TRPC7: variants seen among roughly 807,000 people sequenced by gnomAD.
The protein encoded by TRPC7 is transient receptor potential cation channel subfamily C member 7.
In TRPC7, 42 loss-of-function variants were observed where a neutral mutation model predicts 90.1. The ratio of observed to expected loss-of-function variants is 0.47; its 90% CI spans 0.36 to 0.60. TRPC7 has a LOEUF of 0.60. Ranked by LOEUF, TRPC7 falls within the 20% of genes least tolerant of loss-of-function variation. The pLI is 0.00. For synonymous variants in TRPC7, 451 were observed against 436.3 expected (o/e 1.03, Z -0.42); for missense variants, 955 against 1,112.3 (o/e 0.86, Z 2.01).
intron 3 of TRPC7, among the ~76,000 whole-genome samples, chr5:136,279,713 G>A (rs535274264): frequency 6.6e-6 from 1 of 152,270 alleles, no homozygotes; most frequent in Non-Finnish European, 1.5e-5. Flanking sequence ...TCAAAGAAGT[G>A]GAAGCTATTT....
intron 10 of TRPC7, among the ~76,000 whole-genome samples, chr5:136,221,161 C>T (rs1400009999): frequency 2.0e-5 from 3 of 151,282 alleles, no homozygotes; most frequent in Non-Finnish European, 4.4e-5. Context: ...GTTTGAGATA[C>T]CTCCTTGCTA....
intron 7 of TRPC7, among the ~76,000 whole-genome samples, chr5:136,243,668 C>CTT (rs1180866228): frequency 7.1e-6 from 1 of 140,870 alleles, no homozygotes; most frequent in African/African-American, 2.6e-5. Flanking sequence ...TCTCACATGG[C>CTT]TTTTTTTTTT....
chr5:136,225,961 A>G, intron 9 of TRPC7, 73 bp downstream of exon 9: 1 of 1,317,002 alleles, frequency 7.6e-7, no homozygotes, highest in Non-Finnish European at 1.1e-6. Flanking sequence ...CAGCCATATG[A>G]CTCAAACACA....
intron 5 of TRPC7, among the ~76,000 whole-genome samples, chr5:136,253,134 G>A (rs1756578222): frequency 6.6e-6 from 1 of 152,164 alleles, no homozygotes; most frequent in Non-Finnish European, 1.5e-5. Context: ...ACATGTTGCA[G>A]TGATTAATAT....
chr5:136,318,491 A>G (rs533461878), intron 2 of TRPC7, among the ~76,000 whole-genome samples: 1 of 152,298 alleles, frequency 6.6e-6, no homozygotes, highest in Admixed American at 6.5e-5. Context: ...ACTGATCTCT[A>G]GGTCCCTCTC....
chr5:136,246,754 C>T (rs79833150), intron 7 of TRPC7, among the ~76,000 whole-genome samples: 6,855 of 152,284 alleles, frequency 0.045, 490 homozygotes, highest in African/African-American at 0.15. Flanking sequence ...GTTTTCTAGG[C>T]AACACAGGCT....
intron 5 of TRPC7, among the ~76,000 whole-genome samples, chr5:136,256,140 C>T (rs765725132): frequency 2.0e-5 from 3 of 152,154 alleles, no homozygotes; most frequent in Non-Finnish European, 4.4e-5. Context: ...AGGCTAACAC[C>T]GATAGCCTCT....
intron 8 of TRPC7, among the ~76,000 whole-genome samples, chr5:136,228,143 G>A (rs578032221): frequency 3.9e-5 from 6 of 152,186 alleles, no homozygotes; most frequent in Admixed American, 6.5e-5. Context: ...CAGCTAGTTA[G>A]TTAGTCTTTT....
intron 3 of TRPC7, among the ~76,000 whole-genome samples, chr5:136,281,187 G>C (rs930098375): frequency 6.6e-5 from 10 of 152,122 alleles, no homozygotes; most frequent in Admixed American, 5.9e-4. Context: ...CATCAGCCAA[G>C]TCTCTGTAGA....
At chr5:136,310,457 A>G (rs980040849) in intron 3 of TRPC7, among the ~76,000 whole-genome samples, 3 of 152,068 alleles carry the variant, frequency 2.0e-5, no homozygotes, top group African/African-American at 7.2e-5. Context: ...TCTTTATTGT[A>G]CTTGAGACTA....
intron 3 of TRPC7, among the ~76,000 whole-genome samples, chr5:136,310,330 G>T (rs1043354358): frequency 7.6e-6 from 1 of 131,618 alleles, no homozygotes; most frequent in Non-Finnish European, 1.6e-5. Context: ...AATCATAGGG[G>T]AATTTTTTTT....
intron 8 of TRPC7, among the ~76,000 whole-genome samples, chr5:136,231,140 C>T (rs1003921705): frequency 5.3e-5 from 8 of 152,188 alleles, no homozygotes; most frequent in African/African-American, 1.7e-4. Flanking sequence ...TTTCTGCTCT[C>T]GCTGGGCCTC....
rs74709258 is a variant in TRPC7 at position 136,252,157 on chromosome 5, T to C, written c.1346-275A>G. On this transcript the variant is annotated intron_variant, in intron 5 of 11. Transcript: ENST00000513104. The stretch of plus-strand genomic sequence containing the variant: ...ATTCTTGGAGGGAATATAGGAGAAA[T>C]ACAGTTGCTGACATTTATACACTTT... 1.3e-3 allele frequency among the ~76,000 whole-genome samples: 202 copies of C among 152,224 alleles called. 2 individuals carry two copies. Among genetic ancestry groups the C allele is most frequent in the African/African-American group, 4.7e-3 (197 of 41,540 alleles).
At chr5:136,340,416 T>A (rs1365862447) in intron 2 of TRPC7, among the ~76,000 whole-genome samples, 5 of 152,094 alleles carry the variant, frequency 3.3e-5, no homozygotes, top group African/African-American at 1.2e-4. Flanking sequence ...TATAATAACA[T>A]ATATTTAAAA....
At chr5:136,286,439 C>CTA (rs1157467139) in intron 3 of TRPC7, among the ~76,000 whole-genome samples, 1 of 152,194 alleles carries the variant, frequency 6.6e-6, no homozygotes, top group Non-Finnish European at 1.5e-5. Flanking sequence ...AGCTGCCATA[C>CTA]TATAGTCCAG....
Position 136,266,406 on chromosome 5 carries a change from T to G in TRPC7, c.1159A>C (p.Lys387Gln), listed in dbSNP as rs772062710. ...LGRTLRSPFM[K>Q]FVAHAVSFTI... ...AAAGAAACTGCATGAGCTACAAACT[T>G]CATGAAAGGGCTCCTCAGGGTTCGT... is the stretch of plus-strand genomic sequence containing the variant. Residue 387 changes from lysine to glutamine, a missense_variant, in exon 5 of 12, where the codon AAG becomes CAG. This residue lies in a region of TRPC7 where 484 missense variants were observed against 509.6 expected (regional missense o/e 0.95). Coordinates refer to ENST00000513104, the MANE Select transcript of TRPC7 (RefSeq NM_020389.3). The G allele has an allele frequency of 6.2e-7, 1 of 1,613,756 alleles. No individual in the cohort carries two copies.
At chr5:136,328,175 A>G (rs916654234) in intron 2 of TRPC7, among the ~76,000 whole-genome samples, 2 of 152,158 alleles carry the variant, frequency 1.3e-5, no homozygotes, top group Non-Finnish European at 2.9e-5. Context: ...GCAGAGACCG[A>G]CAACATTTAT....
chr5:136,308,358 T>A (rs1758714233), intron 3 of TRPC7, among the ~76,000 whole-genome samples: 1 of 152,246 alleles, frequency 6.6e-6, no homozygotes, highest in Non-Finnish European at 1.5e-5. Flanking sequence ...CAACAGTGTT[T>A]GCCAACTACC....
intron 3 of TRPC7, among the ~76,000 whole-genome samples, chr5:136,284,408 T>C (rs1757645895): frequency 6.6e-6 from 1 of 152,198 alleles, no homozygotes; most frequent in African/African-American, 2.4e-5. Context: ...TTATGGCAAA[T>C]AAAATCTTTC....
Sources: gnomAD v4.1 joint callset for allele counts (sites outside exome capture counted in the v4.1 genomes callset) on GRCh38, gnomAD v4.1.1 for gene constraint, gnomAD v4.1.1 regional missense constraint, MANE v1.5 for transcripts, NCBI Gene and HGNC (gene_info 2026-07-23, HGNC 2026-07-21) for gene names.